ARHGEF7: variants seen among roughly 807,000 people sequenced by gnomAD.
The protein encoded by ARHGEF7 is PAK-interacting exchange factor beta.
In ARHGEF7, 33 loss-of-function variants were observed where a neutral mutation model predicts 109.8. That is an observed-to-expected ratio of 0.30 (90% CI 0.23 to 0.40). ARHGEF7 has a LOEUF of 0.40. Among genes scored for constraint, ARHGEF7 ranks in the 10% least tolerant of loss-of-function variants. The pLI, the probability that ARHGEF7 is intolerant of heterozygous loss-of-function variation, is 1.00. For synonymous variants in ARHGEF7, 458 were observed against 424.6 expected, an observed-to-expected ratio of 1.08 and a Z score of -0.97; for missense variants, 938 against 1,098.5, an observed-to-expected ratio of 0.85 and a Z score of 2.07.
chr13:111,217,878 G>A lies in ARHGEF7; in HGVS notation c.668G>A (p.Ser223Asn). The A allele has an allele frequency of 6.2e-7, 1 of 1,609,758 alleles. No homozygotes were observed. Among genetic ancestry groups the A allele is most frequent in the South Asian group, 1.1e-5 (1 of 90,860 alleles). Residue 223 changes from serine (S) to asparagine (N), a missense_variant and splice_region_variant, in exon 5 of 22, where the codon AGC becomes AAC. Coordinates refer to ENST00000646102, the MANE Select transcript of ARHGEF7 (RefSeq NM_001354046.2). ...PSNYVREVKA[S>N]EKPVSPKSGT... ...AACTACGTGCGCGAGGTCAAGGCCA[G>A]CGGTAAGTGGCCGAGCCTGGGCTGT...
chr13:111,292,920 G>A, intron 19 of ARHGEF7: 3 of 987,142 alleles, frequency 3.0e-6, no homozygotes, highest in Non-Finnish European at 3.6e-6. Flanking sequence ...GGCGTCACGT[G>A]TGTTCAGAGC....
intron 1 of ARHGEF7, among the ~76,000 whole-genome samples, chr13:111,133,815 T>C (rs1486418258): frequency 1.1e-5 from 1 of 94,280 alleles, no homozygotes; most frequent in Admixed American, 1.1e-4. Flanking sequence ...ATATATATAT[T>C]TATTATACTT....
chr13:111,187,020 C>T (rs1302329716), intron 2 of ARHGEF7: 2 of 985,720 alleles, frequency 2.0e-6, no homozygotes, highest in Non-Finnish European at 2.4e-6. Context: ...ATTAAGGTTG[C>T]TGTGCTTGTT....
At chr13:111,281,372 A>G (rs867020250) in intron 15 of ARHGEF7, among the ~76,000 whole-genome samples, 8 of 152,176 alleles carry the variant, frequency 5.3e-5, no homozygotes, top group Middle Eastern at 3.4e-3. Context: ...ACGATGACAC[A>G]GGCGTTTTCT....
At chr13:111,275,201 T>C (rs940963204) in intron 11 of ARHGEF7, among the ~76,000 whole-genome samples, 4 of 152,246 alleles carry the variant, frequency 2.6e-5, no homozygotes, top group Non-Finnish European at 5.9e-5. Context: ...GTCTTCCATA[T>C]TGGCAAACAC....
At chr13:111,129,875 T>C (rs2074650852) in intron 1 of ARHGEF7, among the ~76,000 whole-genome samples, 1 of 152,248 alleles carries the variant, frequency 6.6e-6, no homozygotes, top group African/African-American at 2.4e-5. Flanking sequence ...TACTTTGAGA[T>C]GTCTGCCCAA....
intron 9 of ARHGEF7, among the ~76,000 whole-genome samples, chr13:111,268,950 A>G (rs374920829): frequency 6.6e-6 from 1 of 152,176 alleles, no homozygotes; most frequent in African/African-American, 2.4e-5. Flanking sequence ...TGAACTTCCT[A>G]TTTGTTACTA....
chr13:111,217,690 T>C lies in ARHGEF7; in HGVS notation c.480T>C (p.Asp160=), dbSNP rs2296354. The change falls in exon 5 of 22, where the codon GAT becomes GAC. Residue 160 remains aspartate (D), a synonymous_variant. Coordinates refer to ENST00000646102, the MANE Select transcript of ARHGEF7 (RefSeq NM_001354046.2). The part of the protein sequence containing the change: ...QGQYRSLDMT[D]NSNNQLVVRA... Reference sequence around the variant, plus strand: ...TCTTCCCCTTTTAGGACATGACCGATAATAGCAACAATCAACTGGTAGTAA... The same window carrying C: ...TCTTCCCCTTTTAGGACATGACCGACAATAGCAACAATCAACTGGTAGTAA... 294,307 of 1,613,520 alleles carry C rather than the reference T, an allele frequency of 0.18. 34,229 individuals carry two copies. The highest frequency in any genetic ancestry group is 0.66 in the East Asian group (29,702 of 44,874).
At chr13:111,205,513 C>T (rs1033494360) in intron 3 of ARHGEF7, 140 bp downstream of exon 3, 9 of 572,992 alleles carry the variant, frequency 1.6e-5, no homozygotes, top group African/African-American at 3.9e-5. Flanking sequence ...TTGATTGTTC[C>T]TTTTGCTGTG....
At position 111,273,869 on chromosome 13, in the gene ARHGEF7, G is replaced by A. The variant is rs766043330; in HGVS notation, c.1129G>A (p.Val377Met). 5.6e-6 allele frequency: 9 copies of A among 1,614,052 alleles called. No individual in the cohort carries two copies. In the East Asian group the frequency reaches 8.9e-5, roughly 16 times the overall value. ...TKGASSPGIL[V>M]LTTGLSKPFM... ...AGGTGCCAGCAGCCCTGGGATTCTC[G>A]TGCTGACCACGGGCCTGAGCAAACC... Residue 377 changes from valine to methionine, a missense_variant, in exon 10 of 22, where the codon GTG becomes ATG. Coordinates refer to ENST00000646102, the MANE Select transcript of ARHGEF7 (RefSeq NM_001354046.2). This position sits in a 1 kb window ranked among gnomAD's most constrained non-coding sequence, Gnocchi z 4.5.
At position 111,283,211 on chromosome 13, in the gene ARHGEF7, C is replaced by A; in HGVS notation, c.1798C>A (p.His600Asn). Residue 600 changes from histidine (H) to asparagine (N), a missense_variant, in exon 16 of 22, where the codon CAC becomes AAC. Transcript: ENST00000646102. ...GCCCGCGCCGCTGACGCCCGCCTAC[C>A]ACACGCTGCCCCACCCCTCCCACCA... The part of the protein sequence containing the change: ...SKPAPLTPAY[H>N]TLPHPSHHGT... 1.3e-6 allele frequency: 2 copies of A among 1,597,236 alleles called. No individual in the cohort carries two copies. The highest frequency in any genetic ancestry group is 2.3e-5 in the East Asian group (1 of 44,294).
In ARHGEF7 at chr13:111,249,837, G is replaced by C. The variant is rs116915761; in HGVS notation, c.950+5543G>C. 2.6e-5 allele frequency among the ~76,000 whole-genome samples: 4 copies of C among 152,282 alleles called. No individual in the cohort carries two copies. In the East Asian group the frequency reaches 7.7e-4, roughly 29 times the overall value. On this transcript the variant is annotated intron_variant, in intron 8 of 21. Transcript: ENST00000646102. ...GCACCTGGCGTATGGATGAGGCCAT[G>C]ACACAGGGTTGTGGAATGACAGCTC...
chr13:111,195,098 T>C (rs1287891704), intron 2 of ARHGEF7, among the ~76,000 whole-genome samples: 1 of 152,198 alleles, frequency 6.6e-6, no homozygotes, highest in Non-Finnish European at 1.5e-5. Context: ...TGTTTAACAA[T>C]ATCCTGTAAT....
chr13:111,116,570 T>TG (rs1360767770), intron 1 of ARHGEF7: 1 of 14,258 alleles, frequency 7.0e-5, no homozygotes, highest in East Asian at 1.9e-3. Context: ...GGGGGTGGGG[T>TG]GGGGGTGGGG....
chr13:111,217,342 G>C (rs1342030297), intron 4 of ARHGEF7, among the ~76,000 whole-genome samples: 1 of 152,234 alleles, frequency 6.6e-6, no homozygotes, highest in Non-Finnish European at 1.5e-5. Flanking sequence ...GTAAGCACCA[G>C]TAAGTACTGC....
Position 111,228,425 on chromosome 13 carries a change from A to G in ARHGEF7, c.671-4780A>G, listed in dbSNP as rs369494169. Among the ~76,000 whole-genome samples, 9 of 152,292 alleles carry G rather than the reference A, an allele frequency of 5.9e-5. No individual in the cohort carries two copies. In the South Asian group the frequency reaches 8.3e-4, roughly 14 times the overall value. On this transcript the variant is annotated intron_variant, in intron 5 of 21. Transcript: ENST00000646102. The surrounding 1 kb of genome is among the most constrained non-coding windows in gnomAD (Gnocchi z 4.6). The stretch of plus-strand genomic sequence containing the variant: ...AGTGTTGGTGAGTGGAGATGACCTC[A>G]TCTCTGAGACTTGCTGATGGTGCTT...
At chr13:111,294,143 G>A (rs1273202340) in intron 19 of ARHGEF7, 14 of 985,368 alleles carry the variant, frequency 1.4e-5, no homozygotes, top group Non-Finnish European at 1.7e-5. Flanking sequence ...GTTTATGTAT[G>A]TTCAGCCAGA....
intron 16 of ARHGEF7, 109 bp downstream of exon 16, chr13:111,283,472 C>T: frequency 1.4e-6 from 2 of 1,442,402 alleles, no homozygotes; most frequent in South Asian, 1.4e-5. Context: ...ACCCTAACTC[C>T]TAGAGAACTG....
In ARHGEF7 at chr13:111,115,769, G is replaced by A. The variant is rs1329131051; in HGVS notation, c.165+78G>A. 4.5e-6 allele frequency: 4 copies of A among 882,142 alleles called. No homozygotes were observed. The African/African-American group carries it at 7.3e-5, about 16-fold the overall frequency. 54.6% of individuals were successfully genotyped at this position (882,142 alleles called of 1,614,324 possible). On this transcript the variant is annotated intron_variant, in intron 1 of 21. Coordinates refer to ENST00000646102, the MANE Select transcript of ARHGEF7 (RefSeq NM_001354046.2). The stretch of plus-strand genomic sequence containing the variant: ...CCCGGGATGCGCGCGGAGCACCTGA[G>A]GCCGGCCGCGCTCGGGAAACCCGTG...
Sources: gnomAD v4.1 joint callset for allele counts (sites outside exome capture counted in the v4.1 genomes callset) on GRCh38, gnomAD v4.1.1 for gene constraint, Gnocchi (gnomAD v3.1) non-coding constraint, MANE v1.5 for transcripts, NCBI Gene and HGNC (gene_info 2026-07-23, HGNC 2026-07-21) for gene names.